The following MTX2 variants were observed in gnomAD, a reference collection of about 807,000 sequenced individuals.
MTX2 encodes metaxin-2.
MTX2 carries 35 observed loss-of-function variants against 42.3 expected under a neutral mutation model. The observed-to-expected ratio is 0.83, with a 90% CI of 0.63 to 1.10. The LOEUF is 1.10. Ranked by LOEUF, MTX2 falls within the 50% of genes least tolerant of loss-of-function variation. The probability of loss-of-function intolerance (pLI) is 0.00; values close to 1 mark genes in which losing one functional copy is unlikely to be tolerated. For synonymous variants in MTX2, 119 were observed against 100.9 expected (o/e 1.18, Z -1.08); for missense variants, 307 against 304.1 (o/e 1.01, Z -0.07).
intron 1 of MTX2, among the ~76,000 whole-genome samples, chr2:176,292,114 C>T (rs923373008): frequency 6.6e-6 from 1 of 152,162 alleles, no homozygotes; most frequent in African/African-American, 2.4e-5. Flanking sequence ...TCTTCCTCAG[C>T]CTCCATTTCT....
In MTX2 at chr2:176,282,132, T is replaced by TG. The variant is rs1693093642; in HGVS notation, c.40+12463_40+12464insG. Among the ~76,000 whole-genome samples, 3 of 135,414 alleles carry TG rather than the reference T, an allele frequency of 2.2e-5. No individual in the cohort carries two copies. The South Asian group carries it at 7.4e-4, about 34-fold the overall frequency. The allele number at this position is 135,414 out of a possible 152,430, so 88.8% of individuals were successfully genotyped here. A position where few individuals can be genotyped will look rare whatever the true frequency, so the allele number is the denominator to read the frequency against. On this transcript the variant is annotated intron_variant, in intron 1 of 9. Coordinates refer to ENST00000249442, the MANE Select transcript of MTX2 (RefSeq NM_006554.5). Reference sequence around the variant, plus strand: ...TATTTTTAGAGTTACAGTAGTTTTTTTTTTTTTTTTTTTTTTTTTTTTGCT... The same window carrying TG: ...TATTTTTAGAGTTACAGTAGTTTTTTGTTTTTTTTTTTTTTTTTTTTTTGCT...
chr2:176,309,022 G>A (rs937092944), intron 3 of MTX2, among the ~76,000 whole-genome samples: 5 of 151,990 alleles, frequency 3.3e-5, no homozygotes, highest in African/African-American at 4.8e-5. Flanking sequence ...TTCTCTTGTC[G>A]GCATTTAGTG....
chr2:176,272,581 A>G (rs1234122457), intron 1 of MTX2, among the ~76,000 whole-genome samples: 1 of 152,168 alleles, frequency 6.6e-6, no homozygotes, highest in Non-Finnish European at 1.5e-5. Context: ...GTATGGTCAC[A>G]TTTTTACAGA....
intron 4 of MTX2, among the ~76,000 whole-genome samples, chr2:176,325,557 A>C (rs573887577): frequency 6.6e-6 from 1 of 151,748 alleles, no homozygotes; most frequent in East Asian, 1.9e-4. Flanking sequence ...CTTTTTTCCA[A>C]GAACCTGAAA....
chr2:176,293,916 A>G (rs1291529757), intron 1 of MTX2, among the ~76,000 whole-genome samples: 4 of 152,182 alleles, frequency 2.6e-5, no homozygotes, highest in African/African-American at 9.7e-5. Context: ...CTACTGCATG[A>G]TAAACTGCAA....
At chr2:176,311,940 A>G (rs1684321468) in intron 3 of MTX2, among the ~76,000 whole-genome samples, 1 of 152,158 alleles carries the variant, frequency 6.6e-6, no homozygotes, top group Non-Finnish European at 1.5e-5. Context: ...GAGATGAACT[A>G]GGTACCTCAG....
At chr2:176,294,155 G>A (rs955121237) in intron 1 of MTX2, among the ~76,000 whole-genome samples, 6 of 151,990 alleles carry the variant, frequency 3.9e-5, no homozygotes, top group African/African-American at 1.2e-4. Flanking sequence ...AGAGCTTTTG[G>A]TATTTGTAGG....
chr2:176,304,240 G>A (rs1007088748), intron 3 of MTX2: 4 of 154,302 alleles, frequency 2.6e-5, no homozygotes, highest in Admixed American at 6.6e-5. Flanking sequence ...TGTGCTTTTA[G>A]TGAATCTATT....
chr2:176,308,559 C>T (rs1009176475), intron 3 of MTX2, among the ~76,000 whole-genome samples: 4 of 152,218 alleles, frequency 2.6e-5, no homozygotes. Context: ...ATTATTGCCT[C>T]AATTTCAGAG....
intron 3 of MTX2, among the ~76,000 whole-genome samples, chr2:176,304,540 C>T (rs924287358): frequency 1.3e-5 from 2 of 151,884 alleles, no homozygotes; most frequent in African/African-American, 4.8e-5. Context: ...ATTTCAATTA[C>T]AGGGTCTGCA....
At chr2:176,271,884 A>G (rs1044596859) in intron 1 of MTX2, among the ~76,000 whole-genome samples, 1 of 152,168 alleles carries the variant, frequency 6.6e-6, no homozygotes, top group African/African-American at 2.4e-5. Context: ...ACACCAATCC[A>G]CCAATTCCAC....
At chr2:176,306,344 C>T (rs1424323900) in intron 3 of MTX2, among the ~76,000 whole-genome samples, 2 of 152,196 alleles carry the variant, frequency 1.3e-5, no homozygotes, top group Non-Finnish European at 2.9e-5. Context: ...CAAGTCTTTA[C>T]TATTGTGAAT....
At chr2:176,328,446 A>G in intron 6 of MTX2, 61 bp downstream of exon 6, 1 of 1,079,308 alleles carries the variant, frequency 9.3e-7, no homozygotes, top group Non-Finnish European at 1.3e-6. Context: ...ATAAAATATA[A>G]TCTTTCTTAT....
intron 3 of MTX2, among the ~76,000 whole-genome samples, chr2:176,323,093 G>T (rs576003258): frequency 1.2e-3 from 182 of 151,828 alleles, no homozygotes; most frequent in Non-Finnish European, 2.1e-3. Flanking sequence ...ATATAGTATT[G>T]CTGGTTTACA....
chr2:176,330,378 C>G (rs1413960221), intron 8 of MTX2, among the ~76,000 whole-genome samples: 1 of 148,886 alleles, frequency 6.7e-6, no homozygotes, highest in Non-Finnish European at 1.5e-5. Flanking sequence ...ATAAGTATTT[C>G]TTATATAGAA....
chr2:176,312,443 ACT>A (rs1684337783), intron 3 of MTX2, among the ~76,000 whole-genome samples: 1 of 152,124 alleles, frequency 6.6e-6, no homozygotes, highest in African/African-American at 2.4e-5. Context: ...AGTGTGTATG[ACT>A]CTAAAAATTA....
chr2:176,332,200 TAGA>T (rs922038554), intron 9 of MTX2, among the ~76,000 whole-genome samples: 53 of 151,474 alleles, frequency 3.5e-4, no homozygotes, highest in African/African-American at 1.2e-3. Flanking sequence ...AGATTAAAGA[TAGA>T]AGAGATTTGA....
At chr2:176,303,200 A>AT (rs1684067226) in intron 3 of MTX2, among the ~76,000 whole-genome samples, 1 of 152,114 alleles carries the variant, frequency 6.6e-6, no homozygotes. Context: ...TATTTTAATA[A>AT]ATAATATAAT....
Position 176,328,394 on chromosome 2 carries a change from C to T in MTX2, c.378+9C>T, listed in dbSNP as rs774721088. ...TGCTGTTGACTGCAGAGGTAAAATA[C>T]TAGATGATACGGCTTGAAAATAAGC... On this transcript the variant is annotated intron_variant, in intron 6 of 9. Coordinates refer to ENST00000249442, the MANE Select transcript of MTX2 (RefSeq NM_006554.5). 1 of 1,476,852 alleles carries T rather than the reference C, an allele frequency of 6.8e-7. No homozygotes were observed. The highest frequency in any genetic ancestry group is 9.1e-7 in the Non-Finnish European group (1 of 1,097,854). The allele number at this position is 1,476,852 out of a possible 1,614,324, so 91.5% of individuals were successfully genotyped here. A position where few individuals can be genotyped will look rare whatever the true frequency, so the allele number is the denominator to read the frequency against.
Sources: allele counts gnomAD v4.1 joint callset (sites outside exome capture counted in the v4.1 genomes callset), GRCh38; gene constraint gnomAD v4.1.1; transcripts MANE v1.5; gene names NCBI Gene and HGNC (gene_info 2026-07-23, HGNC 2026-07-21).